LAMA2: variants seen among roughly 807,000 people sequenced by gnomAD.
LAMA2 encodes laminin subunit alpha 2.
A neutral mutation model predicts 364.8 loss-of-function variants in LAMA2; 269 were observed. That is an observed-to-expected ratio of 0.74 (90% CI 0.67 to 0.82). LAMA2 has a LOEUF of 0.82. LAMA2 is among the 40% of genes least tolerant of loss of function. The pLI is 0.00. For missense variants in LAMA2, 3,807 were observed against 3,873.2 expected, an observed-to-expected ratio of 0.98 and a Z score of 0.45; for synonymous variants, 1,379 against 1,370.6, an observed-to-expected ratio of 1.01 and a Z score of -0.14.
chr6:129,039,759 C>T (rs755905411), intron 1 of LAMA2, among the ~76,000 whole-genome samples: 1 of 152,166 alleles, frequency 6.6e-6, no homozygotes, highest in East Asian at 1.9e-4. Context: ...AACCTAGATC[C>T]CTCGCATGCA....
intron 41 of LAMA2, among the ~76,000 whole-genome samples, chr6:129,433,270 A>T (rs1240581681): frequency 1.3e-5 from 2 of 152,162 alleles, no homozygotes; most frequent in Non-Finnish European, 2.9e-5. Context: ...AAGTACAAAG[A>T]TTGGGTGTAG....
intron 22 of LAMA2, among the ~76,000 whole-genome samples, chr6:129,307,635 A>G (rs1773961020): frequency 6.6e-6 from 1 of 152,152 alleles, no homozygotes; most frequent in Non-Finnish European, 1.5e-5. Flanking sequence ...TTCAATATCT[A>G]AAAACAATTG....
intron 1 of LAMA2, among the ~76,000 whole-genome samples, chr6:128,891,289 A>G (rs1391013729): frequency 1.3e-5 from 2 of 152,154 alleles, no homozygotes; most frequent in African/African-American, 4.8e-5. Flanking sequence ...ATTCCAAGGT[A>G]TAATCCCTTT....
At chr6:129,386,008 G>T (rs1195395845) in intron 35 of LAMA2, among the ~76,000 whole-genome samples, 1 of 151,866 alleles carries the variant, frequency 6.6e-6, no homozygotes, top group Non-Finnish European at 1.5e-5. Context: ...GTGGACTTAG[G>T]ATGCACTGCA....
At position 129,165,571 on chromosome 6, in the gene LAMA2, G is replaced by T. The variant is rs1046284433; in HGVS notation, c.1207-5G>T. On this transcript the variant is annotated splice_region_variant and splice_polypyrimidine_tract_variant and intron_variant, in intron 8 of 64. Transcript: ENST00000421865. ...TCGTTAAATTCATTTTAATATTTTTGTTAGGTATCTCCAAATTATCCAAGG... is the reference window on the plus strand; with the variant it reads ...TCGTTAAATTCATTTTAATATTTTTTTTAGGTATCTCCAAATTATCCAAGG... 6 of 1,589,608 alleles carry T rather than the reference G, an allele frequency of 3.8e-6. No individual in the cohort carries two copies. The highest frequency in any genetic ancestry group is 3.4e-5 in the Admixed American group (2 of 59,576).
Position 129,270,559 on chromosome 6 carries a change from AT to A in LAMA2, c.2323-60del. 3.2e-6 allele frequency: 5 copies of A among 1,576,646 alleles called. No homozygotes were observed. The African/African-American group carries it at 5.4e-5, about 17-fold the overall frequency. ...AGCAGACTAATGACTTCGTAGACCT[AT>A]TTTTGGCAACATGTTGATCCCTGAC... On this transcript the variant is annotated intron_variant, in intron 16 of 64. Coordinates refer to ENST00000421865, the MANE Select transcript of LAMA2 (RefSeq NM_000426.4).
intron 1 of LAMA2, among the ~76,000 whole-genome samples, chr6:128,940,614 A>G (rs560086990): frequency 6.6e-6 from 1 of 152,178 alleles, no homozygotes; most frequent in Non-Finnish European, 1.5e-5. Context: ...GACTGAAACA[A>G]AGAGTTCCAT....
intron 32 of LAMA2, among the ~76,000 whole-genome samples, chr6:129,356,762 C>G (rs1777174114): frequency 6.6e-6 from 1 of 152,048 alleles, no homozygotes; most frequent in African/African-American, 2.4e-5. Context: ...GCTAAAATTA[C>G]AAAATGAGAA....
At chr6:129,195,357 T>TA (rs1781773560) in intron 12 of LAMA2, among the ~76,000 whole-genome samples, 1 of 152,158 alleles carries the variant, frequency 6.6e-6, no homozygotes, top group African/African-American at 2.4e-5. Flanking sequence ...CTGGTTGTAA[T>TA]AAAACTCAAG....
chr6:129,329,604 C>T (rs1775508622), intron 29 of LAMA2, among the ~76,000 whole-genome samples: 1 of 152,140 alleles, frequency 6.6e-6, no homozygotes, highest in Admixed American at 6.5e-5. Context: ...TCAGGTAATC[C>T]ACCCACCTTG....
Position 129,427,658 on chromosome 6 carries a change from T to C in LAMA2, c.5866-94T>C, listed in dbSNP as rs1407954002. 3.4e-6 allele frequency: 3 copies of C among 882,510 alleles called. No individual in the cohort carries two copies. The African/African-American group carries it at 4.9e-5, about 15-fold the overall frequency. The allele number at this position is 882,510 out of a possible 1,614,324, so 54.7% of individuals were successfully genotyped here. ...ATATCTGCAGCCCAGAGCTCTTTCC[T>C]AAAGGCAAACTCTGTGTACCAACTG... On this transcript the variant is annotated intron_variant, in intron 40 of 64. Transcript: ENST00000421865.
At chr6:129,395,844 A>G (rs892961754) in intron 37 of LAMA2, among the ~76,000 whole-genome samples, 4 of 152,198 alleles carry the variant, frequency 2.6e-5, no homozygotes, top group East Asian at 1.9e-4. Flanking sequence ...AAACATATAC[A>G]AAGGCATGGA....
chr6:129,232,104 TAAAG>T (rs1784701003), intron 12 of LAMA2, among the ~76,000 whole-genome samples: 1 of 152,138 alleles, frequency 6.6e-6, no homozygotes, highest in Non-Finnish European at 1.5e-5. Flanking sequence ...GCTGTCTATT[TAAAG>T]AAGACATTTT....
intron 1 of LAMA2, among the ~76,000 whole-genome samples, chr6:128,991,450 G>A (rs1034117935): frequency 6.6e-6 from 1 of 152,056 alleles, no homozygotes; most frequent in African/African-American, 2.4e-5. Context: ...CTTCCTATTT[G>A]CTTTACAAAT....
chr6:128,958,770 C>T (rs1781300334), intron 1 of LAMA2, among the ~76,000 whole-genome samples: 1 of 152,106 alleles, frequency 6.6e-6, no homozygotes, highest in South Asian at 2.1e-4. Context: ...AAGCTCATAA[C>T]AAAAAGTTGC....
chr6:129,141,950 G>A (rs940110695), intron 4 of LAMA2, among the ~76,000 whole-genome samples: 2 of 152,050 alleles, frequency 1.3e-5, no homozygotes, highest in Admixed American at 1.3e-4. Flanking sequence ...AACAATTTTG[G>A]TTTGGTTCAA....
intron 4 of LAMA2, among the ~76,000 whole-genome samples, chr6:129,122,172 C>T (rs950404258): frequency 5.9e-5 from 9 of 152,164 alleles, no homozygotes; most frequent in Non-Finnish European, 1.2e-4. Context: ...TTCCATCATA[C>T]CATTGCTTTA....
chr6:129,473,109 T>C (rs1783892609), intron 51 of LAMA2, 105 bp from the exon 52 acceptor site: 4 of 791,828 alleles, frequency 5.1e-6, no homozygotes, highest in Non-Finnish European at 2.1e-6. Context: ...AGAAAGTCAA[T>C]GTTAATTCTC....
chr6:128,908,190 G>A (rs2114442841), intron 1 of LAMA2, among the ~76,000 whole-genome samples: 1 of 149,094 alleles, frequency 6.7e-6, no homozygotes, highest in South Asian at 2.2e-4. Flanking sequence ...CTATTGATTG[G>A]AATAGTTTCA....
Sources: gnomAD v4.1 joint callset for allele counts (sites outside exome capture counted in the v4.1 genomes callset) on GRCh38, gnomAD v4.1.1 for gene constraint, MANE v1.5 for transcripts, NCBI Gene and HGNC (gene_info 2026-07-23, HGNC 2026-07-21) for gene names.